The following SLC25A13 variants were observed in gnomAD, a reference collection of about 807,000 sequenced individuals.
SLC25A13 encodes the protein solute carrier family 25 member 13, also known as electrogenic aspartate/glutamate antiporter SLC25A13, mitochondrial.
SLC25A13 carries 70 observed loss-of-function variants against 85.5 expected under a neutral mutation model. That is an observed-to-expected ratio of 0.82 (90% CI 0.68 to 1.00). The LOEUF is 1.00. SLC25A13 is among the 50% of genes least tolerant of loss of function. SLC25A13 has a pLI of 0.00. For missense variants in SLC25A13, 765 were observed against 819.8 expected, an observed-to-expected ratio of 0.93 and a Z score of 0.82; for synonymous variants, 259 against 288.7, an observed-to-expected ratio of 0.90 and a Z score of 1.04.
chr7:96,189,782 A>G, intron 7 of SLC25A13, 108 bp from the exon 8 acceptor site: 1 of 928,840 alleles, frequency 1.1e-6, no homozygotes, highest in Non-Finnish European at 1.8e-6. Context: ...CTTTATTATT[A>G]TCATCAGTTG....
At chr7:96,317,801 C>CTTT (rs1413397734) in intron 1 of SLC25A13, among the ~76,000 whole-genome samples, 1 of 118,574 alleles carries the variant, frequency 8.4e-6, no homozygotes, top group Admixed American at 9.8e-5. Context: ...TTTTATTTTA[C>CTTT]TTTATTTTAT....
intron 4 of SLC25A13, among the ~76,000 whole-genome samples, chr7:96,223,789 GAAAAA>G (rs56882933): frequency 2.1e-5 from 2 of 94,210 alleles, no homozygotes; most frequent in African/African-American, 3.9e-5. Flanking sequence ...CTCCATCTCT[GAAAAA>G]AAAAAAAAAA....
At chr7:96,217,929 C>T (rs1795961305) in intron 4 of SLC25A13, among the ~76,000 whole-genome samples, 1 of 143,656 alleles carries the variant, frequency 7.0e-6, no homozygotes, top group South Asian at 2.2e-4. Context: ...ACACCTAGAA[C>T]TGTCAGAGAT....
chr7:96,207,484 G>A (rs985803334), intron 5 of SLC25A13, among the ~76,000 whole-genome samples: 1 of 152,016 alleles, frequency 6.6e-6, no homozygotes, highest in African/African-American at 2.4e-5. Context: ...ACCCACTAAG[G>A]ACATTTCTAG....
At chr7:96,122,291 A>G (rs1026216127) in intron 15 of SLC25A13, among the ~76,000 whole-genome samples, 1 of 152,206 alleles carries the variant, frequency 6.6e-6, no homozygotes, top group African/African-American at 2.4e-5. Context: ...TATCAATAAC[A>G]CTACTTCAAG....
chr7:96,231,654 G>A (rs996958322), intron 4 of SLC25A13, among the ~76,000 whole-genome samples: 2 of 151,876 alleles, frequency 1.3e-5, no homozygotes, highest in African/African-American at 4.8e-5. Context: ...AACCCAGGAG[G>A]TGGAGGTTGC....
rs1458486694 is a variant in SLC25A13 at position 96,277,319 on chromosome 7, T to C, written c.89A>G (p.Asn30Ser). The change falls in exon 3 of 18, where the codon AAC becomes AGC. Residue 30 changes from asparagine to serine, a missense_variant. By Grantham distance (46) the Asn-to-Ser change is conservative (BLOSUM62 1). Transcript: ENST00000265631. The stretch of plus-strand genomic sequence containing the variant: ...ATTGGGGGACATGAAAAATTCACCG[T>C]TTTTCTCAATGCTTGCATACTGTTT... ...IFLKYASIEKNGEFFMSPNDF... is the reference protein window; with the variant it reads ...IFLKYASIEKSGEFFMSPNDF... 5.6e-6 allele frequency: 9 copies of C among 1,612,970 alleles called. No homozygotes were observed. The highest frequency in any genetic ancestry group is 7.6e-6 in the Non-Finnish European group (9 of 1,179,444).
chr7:96,261,676 G>A (rs909467445), intron 3 of SLC25A13, among the ~76,000 whole-genome samples: 3 of 152,176 alleles, frequency 2.0e-5, no homozygotes, highest in Non-Finnish European at 2.9e-5. Flanking sequence ...CAATCAATGG[G>A]AAAGTTGGGT....
rs752516994 is a variant in SLC25A13, at chr7:96,215,865, AT to A, written c.329-6889del. 5.3e-5 allele frequency among the ~76,000 whole-genome samples: 8 copies of A among 152,250 alleles called. No homozygotes were observed. The East Asian group carries it at 1.5e-3, about 29-fold the overall frequency. ...ACTCCAAGGATACCATTAAGAAAGT[AT>A]TAAAATGGCCAGGCACGGTGGCTCA... On this transcript the variant is annotated intron_variant, in intron 4 of 17. Transcript: ENST00000265631.
At chr7:96,263,698 T>A (rs1797940794) in intron 3 of SLC25A13, among the ~76,000 whole-genome samples, 1 of 152,122 alleles carries the variant, frequency 6.6e-6, no homozygotes, top group African/African-American at 2.4e-5. Context: ...TAGTTCTCAA[T>A]ATTTTCAACA....
At chr7:96,311,688 A>G (rs1799957315) in intron 1 of SLC25A13, among the ~76,000 whole-genome samples, 1 of 152,236 alleles carries the variant, frequency 6.6e-6, no homozygotes, top group Non-Finnish European at 1.5e-5. Context: ...AGGGACTTCA[A>G]GAAATGGGAA....
intron 3 of SLC25A13, among the ~76,000 whole-genome samples, chr7:96,271,951 T>A (rs1401821447): frequency 6.6e-6 from 1 of 152,258 alleles, no homozygotes; most frequent in Middle Eastern, 3.4e-3. Flanking sequence ...AATGGTGTGA[T>A]CTTGGCTCAC....
chr7:96,192,506 G>A (rs1481879397), intron 6 of SLC25A13, among the ~76,000 whole-genome samples: 1 of 152,132 alleles, frequency 6.6e-6, no homozygotes, highest in African/African-American at 2.4e-5. Flanking sequence ...CATCCCCAGG[G>A]CCCATGAGGG....
intron 3 of SLC25A13, among the ~76,000 whole-genome samples, chr7:96,266,887 G>C (rs768551750): frequency 5.9e-5 from 9 of 152,184 alleles, no homozygotes; most frequent in Non-Finnish European, 8.8e-5. Flanking sequence ...TGTTTTGGTA[G>C]ATTAATTTGG....
chr7:96,147,226 A>G (rs1256217250), intron 13 of SLC25A13, among the ~76,000 whole-genome samples: 1 of 152,218 alleles, frequency 6.6e-6, no homozygotes, highest in Admixed American at 6.5e-5. Flanking sequence ...AACTTAGATG[A>G]AAGTTATTAT....
chr7:96,121,640 T>G lies in SLC25A13; in HGVS notation c.1841+15A>C. 6.2e-7 allele frequency: 1 copy of G among 1,613,730 alleles called. No individual in the cohort carries two copies. Among genetic ancestry groups the G allele is most frequent in the Non-Finnish European group, 8.5e-7 (1 of 1,179,664 alleles). Reference sequence around the variant, plus strand: ...AGCAGCCAAAATTTAGCAGCAGATTTAGCATGATACTTACACTCCTCCAAA... The same window carrying G: ...AGCAGCCAAAATTTAGCAGCAGATTGAGCATGATACTTACACTCCTCCAAA... On this transcript the variant is annotated intron_variant, in intron 17 of 17. Coordinates refer to ENST00000265631, the MANE Select transcript of SLC25A13 (RefSeq NM_014251.3).
chr7:96,148,462 G>C (rs540426798), intron 13 of SLC25A13, among the ~76,000 whole-genome samples: 2 of 152,152 alleles, frequency 1.3e-5, no homozygotes, highest in African/African-American at 2.4e-5. Context: ...AGCTATTTAC[G>C]GTTGGCAGAA....
At chr7:96,139,303 A>G (rs1174134770) in intron 14 of SLC25A13, among the ~76,000 whole-genome samples, 10 of 152,188 alleles carry the variant, frequency 6.6e-5, no homozygotes, top group Non-Finnish European at 1.5e-4. Context: ...TCATATCCCA[A>G]ATCCCAGCAT....
intron 3 of SLC25A13, among the ~76,000 whole-genome samples, chr7:96,275,572 C>A (rs1037881413): frequency 6.6e-6 from 1 of 152,132 alleles, no homozygotes; most frequent in African/African-American, 2.4e-5. Context: ...ATGATGAATT[C>A]ATGTCCTTTG....
Sources: allele counts gnomAD v4.1 joint callset (sites outside exome capture counted in the v4.1 genomes callset), GRCh38; gene constraint gnomAD v4.1.1; transcripts MANE v1.5; gene names NCBI Gene and HGNC (gene_info 2026-07-23, HGNC 2026-07-21).